ZNF676: variants seen among roughly 807,000 people sequenced by gnomAD.
The protein encoded by ZNF676 is zinc finger protein 676.
A neutral mutation model predicts 6.0 loss-of-function variants in ZNF676; 4 were observed. The ratio of observed to expected loss-of-function variants is 0.67; its 90% CI spans 0.33 to 1.53. ZNF676 has a LOEUF of 1.53. Ranked by LOEUF, ZNF676 falls within the 40% of genes most tolerant of loss-of-function variation. The probability of loss-of-function intolerance (pLI) is 0.06; values close to 1 mark genes in which losing one functional copy is unlikely to be tolerated. For missense variants in ZNF676, 644 were observed against 679.7 expected (o/e 0.95, Z 0.58); for synonymous variants, 198 against 223.1 (o/e 0.89, Z 1.00).
At chr19:22,258,113 T>C in the ZNF676 span, among the ~76,000 whole-genome samples, 1 of 151,994 alleles carries the variant, frequency 6.6e-6, no homozygotes, top group South Asian at 2.1e-4. Context: ...AATTACATCA[T>C]GTGTGCTGGG....
chr19:22,208,301 T>C (rs67152254), intron 1 of ZNF676, among the ~76,000 whole-genome samples: 1 of 145,922 alleles, frequency 6.9e-6, no homozygotes, highest in Non-Finnish European at 1.5e-5. Context: ...ATGAAAAAGA[T>C]GTTTGTCTTC....
the ZNF676 span, among the ~76,000 whole-genome samples, chr19:22,237,491 G>T: frequency 1.3e-5 from 2 of 152,084 alleles, no homozygotes; most frequent in Non-Finnish European, 2.9e-5. Context: ...ACCTCCTCAT[G>T]GGGCACACTC....
chr19:22,181,849 T>C (rs1351728535), intron 2 of ZNF676, among the ~76,000 whole-genome samples: 1 of 152,008 alleles, frequency 6.6e-6, no homozygotes, highest in Non-Finnish European at 1.5e-5. Flanking sequence ...ACAAGAAAAG[T>C]TTGTTAAATT....
At chr19:22,222,732 C>T in the ZNF676 span, among the ~76,000 whole-genome samples, 10 of 152,126 alleles carry the variant, frequency 6.6e-5, no homozygotes, top group East Asian at 5.8e-4. Context: ...AGGTGGTAAA[C>T]GCAGCAAAGC....
the ZNF676 span, among the ~76,000 whole-genome samples, chr19:22,241,986 C>G: frequency 6.6e-6 from 1 of 151,840 alleles, no homozygotes; most frequent in Non-Finnish European, 1.5e-5. Context: ...TGTGCTGGGC[C>G]TGTGATGACA....
In ZNF676 at chr19:22,196,638, T is replaced by G; in HGVS notation, c.-5A>C. ...GTTTCTGTAGTTCTCTAACATCACATTCCTATATAAATTCTGCTGTGTAGA... is the reference window on the plus strand; with the variant it reads ...GTTTCTGTAGTTCTCTAACATCACAGTCCTATATAAATTCTGCTGTGTAGA... On this transcript the variant is annotated 5_prime_UTR_variant, in exon 1 of 3. An upstream start codon of the reference 5' UTR is lost. Transcript: ENST00000397121. 1 of 1,613,768 alleles carries G rather than the reference T, an allele frequency of 6.2e-7. No individual in the cohort carries two copies. Among genetic ancestry groups the G allele is most frequent in the South Asian group, 1.1e-5 (1 of 91,066 alleles).
the ZNF676 span, among the ~76,000 whole-genome samples, chr19:22,236,780 T>C: frequency 2.6e-5 from 4 of 152,204 alleles, no homozygotes; most frequent in East Asian, 7.7e-4. Flanking sequence ...TTCCTATCAA[T>C]TTTACTTCTA....
chr19:22,232,655 C>T, the ZNF676 span, among the ~76,000 whole-genome samples: 1 of 151,938 alleles, frequency 6.6e-6, no homozygotes, highest in Non-Finnish European at 1.5e-5. Flanking sequence ...GCTTGATAGA[C>T]CACCTGTTAG....
chr19:22,201,998 G>A (rs1159268107), intron 1 of ZNF676, among the ~76,000 whole-genome samples: 1 of 152,076 alleles, frequency 6.6e-6, no homozygotes, highest in East Asian at 1.9e-4. Flanking sequence ...ATGGCTCTCT[G>A]ACTTTGATAA....
Position 22,181,103 on chromosome 19 carries a change from G to T in ZNF676, c.614C>A (p.Ala205Asp). Residue 205 changes from alanine to aspartate, a missense_variant, in exon 3 of 3, where the codon GCC (alanine) becomes GAC (aspartate). Physicochemically the swap from Ala to Asp is moderately radical, Grantham distance 126. Around this residue, in one of 5 missense-constraint regions of ZNF676, gnomAD observed 280 missense variants for 269.3 expected, o/e 1.04. Transcript: ENST00000397121. ...AGTAAGGATTGAGAACTTACTAAAGGCTTTGCCACATTCTTCACATTTGTA... is the reference window on the plus strand; with the variant it reads ...AGTAAGGATTGAGAACTTACTAAAGTCTTTGCCACATTCTTCACATTTGTA... ...KPYKCEECGK[A>D]FSKFSILTKH... 1 of 1,610,084 alleles carries T rather than the reference G, an allele frequency of 6.2e-7. No individual in the cohort carries two copies. The highest frequency in any genetic ancestry group is 1.1e-5 in the South Asian group (1 of 90,760).
At chr19:22,236,830 G>GA in the ZNF676 span, among the ~76,000 whole-genome samples, 1 of 152,330 alleles carries the variant, frequency 6.6e-6, no homozygotes, top group Non-Finnish European at 1.5e-5. Flanking sequence ...GAACTCTACA[G>GA]AAGTCAGACT....
intron 2 of ZNF676, among the ~76,000 whole-genome samples, chr19:22,185,013 G>A (rs763250091): frequency 2.0e-5 from 3 of 152,002 alleles, no homozygotes; most frequent in East Asian, 1.9e-4. Flanking sequence ...GCGTTCAAGC[G>A]CTGCTAAGGG....
chr19:22,184,822 C>G (rs1599710607), intron 2 of ZNF676, among the ~76,000 whole-genome samples: 1 of 63,302 alleles, frequency 1.6e-5, no homozygotes, highest in Non-Finnish European at 2.6e-5. Flanking sequence ...GGCAGGGCAT[C>G]TTTGAAAAAA....
At chr19:22,241,521 G>T in the ZNF676 span, among the ~76,000 whole-genome samples, 8 of 151,852 alleles carry the variant, frequency 5.3e-5, no homozygotes, top group Non-Finnish European at 1.0e-4. Flanking sequence ...CTCAACTGTG[G>T]TCTGTGTTCA....
the ZNF676 span, among the ~76,000 whole-genome samples, chr19:22,226,741 C>T: frequency 1.4e-4 from 22 of 151,822 alleles, no homozygotes; most frequent in African/African-American, 5.3e-4. Context: ...GGATTACAGG[C>T]ACTCACCACC....
At chr19:22,249,394 T>C in the ZNF676 span, among the ~76,000 whole-genome samples, 3 of 152,096 alleles carry the variant, frequency 2.0e-5, no homozygotes, top group African/African-American at 7.2e-5. Flanking sequence ...TAAAGAGATA[T>C]TATTCAGTTT....
At chr19:22,213,201 C>T (rs202078982) in intron 1 of ZNF676, among the ~76,000 whole-genome samples, 9 of 152,234 alleles carry the variant, frequency 5.9e-5, no homozygotes, top group South Asian at 2.1e-4. Context: ...GCCCCAGGTA[C>T]ATTTTACTTT....
the ZNF676 span, among the ~76,000 whole-genome samples, chr19:22,246,595 AG>A: frequency 6.6e-6 from 1 of 152,204 alleles, no homozygotes; most frequent in East Asian, 1.9e-4. Flanking sequence ...CTCTGGTATG[AG>A]AGAAGAGTCA....
the ZNF676 span, chr19:22,245,220 G>A: frequency 6.6e-6 from 1 of 152,124 alleles, no homozygotes; most frequent in South Asian, 2.1e-4. Flanking sequence ...CTGTGAATAG[G>A]GCTCAGGAAG....
Sources: gnomAD v4.1 joint callset for allele counts (sites outside exome capture counted in the v4.1 genomes callset) on GRCh38, gnomAD v4.1.1 for gene constraint, gnomAD v4.1.1 regional missense constraint, MANE v1.5 for transcripts, NCBI Gene and HGNC (gene_info 2026-07-23, HGNC 2026-07-21) for gene names.